Variants in CAPN1 observed in about 807,000 individuals in gnomAD.
The protein encoded by CAPN1 is calpain 1, also known as calpain-1 catalytic subunit.
Under a neutral mutation model 105.2 loss-of-function variants are expected in CAPN1, and 77 were observed. The observed-to-expected ratio is 0.73, with a 90% confidence interval of 0.61 to 0.88. CAPN1 has a LOEUF of 0.88. CAPN1 is among the 40% of genes least tolerant of loss of function. The pLI is 0.00. For missense variants in CAPN1, 833 were observed against 976.6 expected (o/e 0.85, Z 1.96); for synonymous variants, 355 against 388.8 (o/e 0.91, Z 1.02).
chr11:65,204,049 T>TGCTG (rs1948912507), intron 10 of CAPN1, among the ~76,000 whole-genome samples: 1 of 152,188 alleles, frequency 6.6e-6, no homozygotes, highest in South Asian at 2.1e-4. Context: ...TGCCTTCCCT[T>TGCTG]GCTGGCTGGC....
chr11:65,206,915 T>C, intron 14 of CAPN1, 96 bp downstream of exon 14: 2 of 1,176,676 alleles, frequency 1.7e-6, no homozygotes, highest in Non-Finnish European at 1.2e-6. Flanking sequence ...GAGTTCCTGC[T>C]AACAGGGAAG....
chr11:65,205,855 C>T, intron 12 of CAPN1, 134 bp downstream of exon 12: 1 of 811,546 alleles, frequency 1.2e-6, no homozygotes. Flanking sequence ...AAATGCTTCT[C>T]CCCACCTGTT....
At position 65,188,802 on chromosome 11, in the gene CAPN1, G is replaced by T; in HGVS notation, c.1165+56G>T. 2 of 1,439,162 alleles carry T rather than the reference G, an allele frequency of 1.4e-6. No individual in the cohort carries two copies. The highest frequency in any genetic ancestry group is 2.5e-5 in the South Asian group (2 of 80,816). The allele number at this position is 1,439,162 out of a possible 1,614,324, so 89.1% of individuals were successfully genotyped here. On this transcript the variant is annotated intron_variant, in intron 10 of 21. Coordinates refer to ENST00000279247, the MANE Select transcript of CAPN1 (RefSeq NM_005186.4). The surrounding 1 kb of genome is among the most constrained non-coding windows in gnomAD (Gnocchi z 5.5). ...CTTCCTGGCTTAGGGGCTCCAGAAG[G>T]CACGTCATCTTACTGAGCCTCCGTT...
chr11:65,210,344 C>G lies in CAPN1; in HGVS notation c.1951C>G (p.Leu651Val), dbSNP rs1306155686. The G allele has an allele frequency of 6.2e-7, 1 of 1,610,182 alleles. No individual in the cohort carries two copies. Among genetic ancestry groups the G allele is most frequent in the African/African-American group, 1.3e-5 (1 of 74,834 alleles). The change falls in exon 20 of 22, where the codon CTC (leucine) becomes GTC (valine). Residue 651 changes from leucine (L) to valine (V), a missense_variant. By Grantham distance (32) the Leu-to-Val change is conservative. Transcript: ENST00000279247. The surrounding 1 kb of genome is among the most constrained non-coding windows in gnomAD (Gnocchi z 4.3). Reference protein sequence around the residue: ...RMAIESAGFKLNKKLYELIIT... With the variant: ...RMAIESAGFKVNKKLYELIIT... ...TCACTCTCCTGGACCAGGCTTCAAG[C>G]TCAACAAGAAGCTGTACGAGCTCAT...
At chr11:65,202,992 C>T (rs998371684) in intron 10 of CAPN1, among the ~76,000 whole-genome samples, 1 of 152,072 alleles carries the variant, frequency 6.6e-6, no homozygotes, top group Non-Finnish European at 1.5e-5. Flanking sequence ...AATACATGGT[C>T]CTTTGTGGCT....
At chr11:65,196,728 G>T (rs1055992803) in intron 10 of CAPN1, among the ~76,000 whole-genome samples, 4 of 151,992 alleles carry the variant, frequency 2.6e-5, no homozygotes, top group African/African-American at 9.7e-5. Flanking sequence ...CGATAAACTA[G>T]TTATTTTAGA....
chr11:65,188,022 C>G lies in CAPN1; in HGVS notation c.911C>G (p.Thr304Arg). ...AACCCCTGGGGCGAGGTGGAGTGGA[C>G]GGGAGCCTGGAGCGACAGGTGAGGG... ...MRNPWGEVEWTGAWSDSSSEW... is the reference protein window; with the variant it reads ...MRNPWGEVEWRGAWSDSSSEW... The change falls in exon 8 of 22, where the codon ACG (threonine) becomes AGG (arginine). Residue 304 changes from threonine (T) to arginine (R), a missense_variant. Thr to Arg is a moderately conservative substitution (Grantham distance 71, BLOSUM62 -1). Coordinates refer to ENST00000279247, the MANE Select transcript of CAPN1 (RefSeq NM_005186.4). This position sits in a 1 kb window ranked among gnomAD's most constrained non-coding sequence, Gnocchi z 5.5. The G allele has an allele frequency of 6.4e-7, 1 of 1,560,432 alleles. No individual in the cohort carries two copies. The highest frequency in any genetic ancestry group is 8.7e-7 in the Non-Finnish European group (1 of 1,152,310).
chr11:65,187,964 C>T lies in CAPN1; in HGVS notation c.853C>T (p.Arg285Ter), dbSNP rs1033093801. The change falls in exon 8 of 22, where the codon CGA becomes TGA. Residue 285 changes from arginine (R) to a stop codon, truncating the protein, a stop_gained. Transcript: ENST00000279247. LOFTEE classifies it high-confidence loss of function. ...GAGCTCTGGCAAATAGGTGAACTAC[C>T]GAGGCCAGGTGGTGAGCCTGATCCG... is the stretch of plus-strand genomic sequence containing the variant. ...SVTGAKQVNY[R>*]GQVVSLIRMR... 3.8e-6 allele frequency: 6 copies of T among 1,558,632 alleles called. No individual in the cohort carries two copies. Among genetic ancestry groups the T allele is most frequent in the Non-Finnish European group, 4.3e-6 (5 of 1,151,204 alleles).
intron 10 of CAPN1, among the ~76,000 whole-genome samples, chr11:65,191,801 C>T (rs888871688): frequency 1.3e-5 from 2 of 152,172 alleles, no homozygotes; most frequent in Non-Finnish European, 2.9e-5. Flanking sequence ...GTAGAGCTTC[C>T]TGCTCTTGTT....
In CAPN1 at chr11:65,205,923, G is replaced by A. The variant is rs77065005; in HGVS notation, c.1353+202G>A. 370 of 593,708 alleles carry A rather than the reference G, an allele frequency of 6.2e-4. No homozygotes were observed. The African/African-American group carries it at 6.5e-3, about 10-fold the overall frequency. 36.8% of individuals were successfully genotyped at this position (593,708 alleles called of 1,614,324 possible). A position where few individuals can be genotyped will look rare whatever the true frequency, so the allele number is the denominator to read the frequency against. Reference sequence around the variant, plus strand: ...GTCAGCACAGGTAGTCAGTGAGGGAGCTGGATTTGAGCCCTGGTCCTCAGA... The same window carrying A: ...GTCAGCACAGGTAGTCAGTGAGGGAACTGGATTTGAGCCCTGGTCCTCAGA... On this transcript the variant is annotated intron_variant, in intron 12 of 21. Coordinates refer to ENST00000279247, the MANE Select transcript of CAPN1 (RefSeq NM_005186.4).
At chr11:65,200,047 G>A (rs531689916) in intron 10 of CAPN1, among the ~76,000 whole-genome samples, 11 of 152,038 alleles carry the variant, frequency 7.2e-5, no homozygotes, top group Admixed American at 2.0e-4. Context: ...CACCTTTTTC[G>A]TTCTTTTTTA....
chr11:65,201,161 G>C (rs1024505475), intron 10 of CAPN1, among the ~76,000 whole-genome samples: 1 of 151,354 alleles, frequency 6.6e-6, no homozygotes, highest in African/African-American at 2.4e-5. Context: ...AGCCAGGATG[G>C]TCTTGATCTC....
At chr11:65,201,038 G>A (rs1263072459) in intron 10 of CAPN1, among the ~76,000 whole-genome samples, 13 of 137,234 alleles carry the variant, frequency 9.5e-5, no homozygotes, top group East Asian at 4.7e-4. Context: ...TCCTTCTCCC[G>A]GGTTCGTGCC....
In CAPN1 at chr11:65,183,136, G is replaced by A. The variant is rs764619106; in HGVS notation, c.276G>A (p.Leu92=). The stretch of plus-strand genomic sequence containing the variant: ...CTCTGGGTCTCTCGTAGGAACTGCT[G>A]TCAAACCCCCAGTTCATTGTGGATG... The part of the protein sequence containing the change: ...GIKWKRPTEL[L]SNPQFIVDGA... The change falls in exon 3 of 22, where the codon CTG becomes CTA. Residue 92 remains leucine (L), a synonymous_variant. Transcript: ENST00000279247. 2.5e-6 allele frequency: 4 copies of A among 1,613,894 alleles called. No homozygotes were observed. The highest frequency in any genetic ancestry group is 1.7e-6 in the Non-Finnish European group (2 of 1,179,848).
rs146650815 is a variant in CAPN1, at chr11:65,205,651, C to T, written c.1342-59C>T. The stretch of plus-strand genomic sequence containing the variant: ...ACTCAAGACCTCTGCCCAGCATGCA[C>T]TGTGACCCCGCCCTGGGACAAACAC... On this transcript the variant is annotated intron_variant, in intron 11 of 21. Transcript: ENST00000279247. 8 of 1,580,448 alleles carry T rather than the reference C, an allele frequency of 5.1e-6. No individual in the cohort carries two copies. In the African/African-American group the frequency reaches 9.4e-5, roughly 19 times the overall value.
chr11:65,207,340 C>CA (rs1389591965), intron 14 of CAPN1, among the ~76,000 whole-genome samples: 1 of 151,496 alleles, frequency 6.6e-6, no homozygotes, highest in Non-Finnish European at 1.5e-5. Context: ...GCTGGGATTA[C>CA]AGGCGCACGT....
Position 65,209,158 on chromosome 11 carries a change from T to A in CAPN1, c.1730-165T>A. On this transcript the variant is annotated intron_variant, in intron 16 of 21. Coordinates refer to ENST00000279247, the MANE Select transcript of CAPN1 (RefSeq NM_005186.4). The surrounding 1 kb of genome is among the most constrained non-coding windows in gnomAD (Gnocchi z 4.1). Reference sequence around the variant, plus strand: ...GGCTTGATTGCTAAAATACTTTACTTGTACTTCCTGATGATACAAACAATC... The same window carrying A: ...GGCTTGATTGCTAAAATACTTTACTAGTACTTCCTGATGATACAAACAATC... The A allele has an allele frequency of 1.6e-6, 1 of 624,244 alleles. No homozygotes were observed. The highest frequency in any genetic ancestry group is 2.9e-6 in the Non-Finnish European group (1 of 342,454). 38.7% of individuals were successfully genotyped at this position (624,244 alleles called of 1,614,324 possible).
chr11:65,192,136 G>C (rs1222653265), intron 10 of CAPN1, among the ~76,000 whole-genome samples: 2 of 152,174 alleles, frequency 1.3e-5, no homozygotes, highest in Non-Finnish European at 2.9e-5. Flanking sequence ...TCAGGAGGCT[G>C]AGGAGGGAGG....
intron 1 of CAPN1, 83 bp from the exon 2 acceptor site, chr11:65,182,618 C>G (rs945279168): frequency 1.4e-6 from 2 of 1,389,536 alleles, no homozygotes; most frequent in African/African-American, 2.9e-5. Flanking sequence ...TAAGCAGGGG[C>G]AGGAGAGCAG....
Sources: gnomAD v4.1 joint callset for allele counts (sites outside exome capture counted in the v4.1 genomes callset) on GRCh38, gnomAD v4.1.1 for gene constraint, Gnocchi (gnomAD v3.1) non-coding constraint, MANE v1.5 for transcripts, NCBI Gene and HGNC (gene_info 2026-07-23, HGNC 2026-07-21) for gene names.